FRMPD4: variants seen among roughly 807,000 people sequenced by gnomAD.
The protein encoded by FRMPD4 is FERM and PDZ domain-containing protein 4.
In FRMPD4, 22 loss-of-function variants were observed where a neutral mutation model predicts 94.1. That is an observed-to-expected ratio of 0.23 (90% CI 0.17 to 0.33). The LOEUF (loss-of-function observed/expected upper bound fraction) is 0.33, where lower values mean the gene tolerates loss of function less well. FRMPD4 is among the 10% of genes least tolerant of loss of function. The probability of loss-of-function intolerance (pLI) is 1.00; values close to 1 mark genes in which losing one functional copy is unlikely to be tolerated. For missense variants in FRMPD4, 1,111 were observed against 1,339.9 expected (o/e 0.83, Z 2.67); for synonymous variants, 631 against 548.6 (o/e 1.15, Z -2.10).
intron 1 of FRMPD4, among the ~76,000 whole-genome samples, chrX:12,418,216 A>G (rs1045599259): frequency 2.5e-4 from 27 of 109,430 alleles, no homozygotes; most frequent in African/African-American, 7.9e-4. Context: ...CATTGACTAT[A>G]ATTCCCTTGC....
intron 1 of FRMPD4, among the ~76,000 whole-genome samples, chrX:12,282,793 CA>C (rs1480282173): frequency 1.8e-5 from 2 of 111,949 alleles, no homozygotes; most frequent in Non-Finnish European, 3.8e-5. Flanking sequence ...GTCAGCCACA[CA>C]AACTTTATGT....
intron 1 of FRMPD4, among the ~76,000 whole-genome samples, chrX:12,366,359 T>A (rs1399282608): frequency 2.7e-5 from 3 of 111,476 alleles, no homozygotes; most frequent in African/African-American, 9.8e-5. Flanking sequence ...TTGAAATGCA[T>A]CCTGGAGGCT....
At chrX:12,717,443 T>C in intron 15 of FRMPD4, 58 bp from the exon 16 acceptor site, 4 of 777,906 alleles carry the variant, frequency 5.1e-6, no homozygotes, top group Middle Eastern at 3.5e-4. Context: ...TTTTCTTACA[T>C]GTCTCCAAGT....
chrX:12,653,939 G>T (rs1300939149), intron 4 of FRMPD4, among the ~76,000 whole-genome samples: 1 of 111,436 alleles, frequency 9.0e-6, no homozygotes, highest in Non-Finnish European at 1.9e-5. Flanking sequence ...AGCTAATTTT[G>T]TATTTTTAGT....
chrX:12,050,901 A>G (rs956751433), intron 3 of FRMPD4, among the ~76,000 whole-genome samples: 22 of 111,715 alleles, frequency 2.0e-4, no homozygotes, highest in Admixed American at 7.6e-4. Flanking sequence ...AGAACCAAAT[A>G]TTACAAACGA....
chrX:12,563,544 G>A (rs1399930706), intron 2 of FRMPD4, among the ~76,000 whole-genome samples: 1 of 112,360 alleles, frequency 8.9e-6, no homozygotes, highest in Non-Finnish European at 1.9e-5. Context: ...AGGCTCCAGG[G>A]AAAGGTAGGA....
At chrX:12,095,377 CA>C (rs201645954) in intron 3 of FRMPD4, among the ~76,000 whole-genome samples, 5,423 of 72,617 alleles carry the variant, frequency 0.075, 290 homozygotes, top group African/African-American at 0.19. Context: ...CTCTCTGTCT[CA>C]AAAAAAAAAA....
chrX:11,950,348 T>G (rs1395930450), intron 3 of FRMPD4, among the ~76,000 whole-genome samples: 1 of 111,422 alleles, frequency 9.0e-6, no homozygotes, highest in Non-Finnish European at 1.9e-5. Context: ...TTCATAGCAC[T>G]GTAAGAACAG....
chrX:11,973,929 G>T, intron 3 of FRMPD4, among the ~76,000 whole-genome samples: 1 of 111,680 alleles, frequency 9.0e-6, no homozygotes, highest in Non-Finnish European at 1.9e-5. Context: ...ATGGAGTGGG[G>T]TTAACAGACC....
intron 1 of FRMPD4, among the ~76,000 whole-genome samples, chrX:12,417,719 C>A (rs1295389097): frequency 2.8e-5 from 3 of 108,291 alleles, no homozygotes; most frequent in African/African-American, 1.0e-4. Flanking sequence ...CATTTAAAAA[C>A]ATTGTTCTGG....
At chrX:12,083,388 A>G (rs1235956746) in intron 3 of FRMPD4, among the ~76,000 whole-genome samples, 2 of 112,921 alleles carry the variant, frequency 1.8e-5, no homozygotes, top group African/African-American at 6.4e-5. Context: ...ACCTCCGCCT[A>G]GATTTCAGAA....
At chrX:12,267,484 A>T (rs7878057) in intron 1 of FRMPD4, among the ~76,000 whole-genome samples, 1 of 112,327 alleles carries the variant, frequency 8.9e-6, no homozygotes, top group Non-Finnish European at 1.9e-5. Context: ...AGTCTTGATA[A>T]ATTTAGTAAC....
chrX:12,628,081 C>T (rs902283333), intron 4 of FRMPD4, among the ~76,000 whole-genome samples: 1 of 111,143 alleles, frequency 9.0e-6, no homozygotes, highest in Admixed American at 9.6e-5. Context: ...GCTGTAGGAG[C>T]TTACAGCGAA....
intron 1 of FRMPD4, among the ~76,000 whole-genome samples, chrX:12,415,893 TA>T (rs2056793913): frequency 8.9e-6 from 1 of 112,355 alleles, no homozygotes; most frequent in African/African-American, 3.2e-5. Flanking sequence ...ATATTTGTAT[TA>T]TTTGCGATTA....
chrX:12,404,105 A>G (rs1416685640), intron 1 of FRMPD4, among the ~76,000 whole-genome samples: 1 of 112,602 alleles, frequency 8.9e-6, no homozygotes, highest in South Asian at 3.7e-4. Flanking sequence ...AGGTTTCACC[A>G]TATCTGTACT....
intron 1 of FRMPD4, among the ~76,000 whole-genome samples, chrX:12,433,833 C>A (rs1245589470): frequency 9.0e-6 from 1 of 111,663 alleles, no homozygotes; most frequent in African/African-American, 3.3e-5. Context: ...GGTTAGTTAG[C>A]CTGAAAAAAA....
intron 3 of FRMPD4, among the ~76,000 whole-genome samples, chrX:12,039,304 T>G (rs2054738630): frequency 9.1e-6 from 1 of 110,227 alleles, no homozygotes; most frequent in Non-Finnish European, 1.9e-5. Flanking sequence ...TAAACCACTG[T>G]GCACAGCCCC....
chrX:12,453,349 GGCAAGGTT>G (rs2057294912), intron 1 of FRMPD4, among the ~76,000 whole-genome samples: 1 of 111,272 alleles, frequency 9.0e-6, no homozygotes, highest in Non-Finnish European at 1.9e-5. Context: ...ATGAGGGAAT[GGCAAGGTT>G]GCTCCTTTAG....
intron 3 of FRMPD4, among the ~76,000 whole-genome samples, chrX:11,897,899 G>A (rs981469758): frequency 8.9e-6 from 1 of 112,090 alleles, no homozygotes; most frequent in East Asian, 2.8e-4. Context: ...GGAGAGGAAG[G>A]CTGGGTAGGA....
Sources: gnomAD v4.1 joint callset for allele counts (sites outside exome capture counted in the v4.1 genomes callset) on GRCh38, gnomAD v4.1.1 for gene constraint, MANE v1.5 for transcripts, NCBI Gene and HGNC (gene_info 2026-07-23, HGNC 2026-07-21) for gene names.